The following NCOA3 variants were observed in gnomAD, a reference collection of about 807,000 sequenced individuals.
NCOA3 encodes the protein nuclear receptor coactivator 3.
A neutral mutation model predicts 158.8 loss-of-function variants in NCOA3; 51 were observed. That is an observed-to-expected ratio of 0.32 (90% CI 0.26 to 0.41). The LOEUF (loss-of-function observed/expected upper bound fraction) is 0.41, where lower values mean the gene tolerates loss of function less well. Ranked by LOEUF, NCOA3 falls within the 10% of genes least tolerant of loss-of-function variation. The probability of loss-of-function intolerance (pLI) is 1.00; values close to 1 mark genes in which losing one functional copy is unlikely to be tolerated. For synonymous variants in NCOA3, 537 were observed against 592.4 expected (o/e 0.91, Z 1.36); for missense variants, 1,510 against 1,746.6 (o/e 0.86, Z 2.41).
chr20:47,529,793 C>G (rs1411311003), intron 1 of NCOA3, among the ~76,000 whole-genome samples: 1 of 152,170 alleles, frequency 6.6e-6, no homozygotes, highest in Non-Finnish European at 1.5e-5. Context: ...TTCTTTCTCT[C>G]ATGCTGGAAT....
chr20:47,548,704 T>C (rs1602385450), intron 1 of NCOA3, among the ~76,000 whole-genome samples: 1 of 152,316 alleles, frequency 6.6e-6, no homozygotes. Flanking sequence ...GCCTTCTCAA[T>C]GTTTTTATTC....
chr20:47,649,549 TGTA>T (rs1160425809), intron 19 of NCOA3, among the ~76,000 whole-genome samples: 1 of 152,206 alleles, frequency 6.6e-6, no homozygotes, highest in Non-Finnish European at 1.5e-5. Context: ...ACCTGTTTCT[TGTA>T]GTAGGAGGGG....
intron 1 of NCOA3, among the ~76,000 whole-genome samples, chr20:47,505,883 C>T (rs1349443714): frequency 6.8e-6 from 1 of 146,250 alleles, no homozygotes; most frequent in South Asian, 2.2e-4. Flanking sequence ...CTCACTGCAA[C>T]CTCTGCCTCC....
chr20:47,569,485 G>C (rs540945580), intron 1 of NCOA3, among the ~76,000 whole-genome samples: 5 of 152,006 alleles, frequency 3.3e-5, no homozygotes, highest in African/African-American at 1.2e-4. Context: ...TTTGAGACCA[G>C]CCTGGCTAAC....
intron 1 of NCOA3, among the ~76,000 whole-genome samples, chr20:47,537,467 G>A (rs868571913): frequency 3.8e-4 from 58 of 152,084 alleles, no homozygotes; most frequent in African/African-American, 1.4e-3. Flanking sequence ...GGGAAAACAG[G>A]TGTGAGCCAT....
chr20:47,598,477 A>C (rs1037396936), intron 2 of NCOA3, among the ~76,000 whole-genome samples: 2 of 151,910 alleles, frequency 1.3e-5, no homozygotes, highest in African/African-American at 2.4e-5. Context: ...CTGGGATTAC[A>C]GGTGCGTGCC....
At chr20:47,552,302 G>C (rs987096436) in intron 1 of NCOA3, among the ~76,000 whole-genome samples, 1 of 152,154 alleles carries the variant, frequency 6.6e-6, no homozygotes, top group African/African-American at 2.4e-5. Flanking sequence ...ATTAGCCATA[G>C]CCCATATTGT....
At chr20:47,588,688 C>T (rs944969140) in intron 2 of NCOA3, among the ~76,000 whole-genome samples, 1 of 151,948 alleles carries the variant, frequency 6.6e-6, no homozygotes, top group Non-Finnish European at 1.5e-5. Context: ...TCTGTCTTAT[C>T]CTTCCCATTT....
At chr20:47,601,072 G>T (rs1182987431) in intron 2 of NCOA3, among the ~76,000 whole-genome samples, 1 of 152,134 alleles carries the variant, frequency 6.6e-6, no homozygotes, top group African/African-American at 2.4e-5. Flanking sequence ...TAAAAGAAAG[G>T]TTTATTTAGC....
intron 1 of NCOA3, among the ~76,000 whole-genome samples, chr20:47,535,206 TC>T (rs771474158): frequency 6.6e-6 from 1 of 151,992 alleles, no homozygotes; most frequent in Non-Finnish European, 1.5e-5. Flanking sequence ...GCTCACTTCT[TC>T]CGTGCCTCGC....
intron 1 of NCOA3, among the ~76,000 whole-genome samples, chr20:47,529,014 G>A (rs747608546): frequency 1.1e-4 from 16 of 151,586 alleles, no homozygotes; most frequent in Non-Finnish European, 2.1e-4. Flanking sequence ...TGATCCACCC[G>A]CCTTGGCCTC....
Position 47,643,204 on chromosome 20 carries a change from G to A in NCOA3, c.3252+820G>A, listed in dbSNP as rs1469275049. On this transcript the variant is annotated intron_variant, in intron 17 of 22. Coordinates refer to ENST00000371998, the MANE Select transcript of NCOA3 (RefSeq NM_181659.3). ...GCTGGGATTACAGGCGTGAGCCACC[G>A]TGCCCAGCCATGACTGTTTTTATTT... Among the ~76,000 whole-genome samples the A allele has an allele frequency of 3.3e-5, 5 of 152,204 alleles. No individual in the cohort carries two copies. In the East Asian group the frequency reaches 7.7e-4, roughly 23 times the overall value.
rs1197521903 is a variant in NCOA3, at chr20:47,502,030, A to G, written c.-99+11A>G. 2.0e-5 allele frequency: 8 copies of G among 398,808 alleles called. No individual in the cohort carries two copies. The highest frequency in any genetic ancestry group is 1.7e-4 in the African/African-American group (8 of 48,476). The allele number at this position is 398,808 out of a possible 1,614,324, so 24.7% of individuals were successfully genotyped here. On this transcript the variant is annotated intron_variant, in intron 1 of 22. Transcript: ENST00000371998. ...AAATGGCGGCGGGAGGTGAGTGGAGATAAAGGAGGAGGCGGTGGCGGGCGA... is the reference window on the plus strand; with the variant it reads ...AAATGGCGGCGGGAGGTGAGTGGAGGTAAAGGAGGAGGCGGTGGCGGGCGA...
chr20:47,626,962 T>A, intron 5 of NCOA3, 40 bp from the exon 6 acceptor site: 1 of 1,531,108 alleles, frequency 6.5e-7, no homozygotes, highest in Non-Finnish European at 8.9e-7. Context: ...GAGGATACAA[T>A]TCAGTCCATA....
chr20:47,502,381 C>G (rs1396047509), intron 1 of NCOA3, among the ~76,000 whole-genome samples: 1 of 152,116 alleles, frequency 6.6e-6, no homozygotes, highest in African/African-American at 2.4e-5. Context: ...CCTCCCCCAG[C>G]CCTTTTGAAA....
chr20:47,632,261 A>C (rs1214558358), intron 8 of NCOA3, among the ~76,000 whole-genome samples: 1 of 152,090 alleles, frequency 6.6e-6, no homozygotes, highest in Non-Finnish European at 1.5e-5. Context: ...AATGTATAGG[A>C]GAAGGTATTA....
At chr20:47,632,584 C>T (rs2086438176) in intron 8 of NCOA3, among the ~76,000 whole-genome samples, 1 of 151,878 alleles carries the variant, frequency 6.6e-6, no homozygotes, top group Admixed American at 6.6e-5. Flanking sequence ...GATGGGGTTT[C>T]ACCATGTTGA....
intron 2 of NCOA3, among the ~76,000 whole-genome samples, chr20:47,598,224 G>GC (rs2085795673): frequency 7.2e-6 from 1 of 138,846 alleles, no homozygotes; most frequent in Non-Finnish European, 1.5e-5. Flanking sequence ...TCCAGCCTGG[G>GC]CGATAGGGCG....
chr20:47,506,910 C>T (rs180884384), intron 1 of NCOA3, among the ~76,000 whole-genome samples: 21 of 152,176 alleles, frequency 1.4e-4, no homozygotes, highest in African/African-American at 5.1e-4. Context: ...GAGGGTTATG[C>T]AGCTTCACTT....
Sources: gnomAD v4.1 joint callset for allele counts (sites outside exome capture counted in the v4.1 genomes callset) on GRCh38, gnomAD v4.1.1 for gene constraint, MANE v1.5 for transcripts, NCBI Gene and HGNC (gene_info 2026-07-23, HGNC 2026-07-21) for gene names.